Variants in OGFOD3 observed in about 807,000 individuals in gnomAD.
OGFOD3 encodes the protein 2-oxoglutarate and iron-dependent oxygenase domain-containing protein 3.
OGFOD3 carries 35 observed loss-of-function variants against 39.8 expected under a neutral mutation model. That is an observed-to-expected ratio of 0.88 (90% confidence interval 0.67 to 1.17). The LOEUF is 1.17. Among genes scored for constraint, OGFOD3 ranks in the 50% most tolerant of loss-of-function variants. The pLI is 0.00. For missense variants in OGFOD3, 438 were observed against 454.5 expected, an observed-to-expected ratio of 0.96 and a Z score of 0.33; for synonymous variants, 200 against 192.0, an observed-to-expected ratio of 1.04 and a Z score of -0.34.
chr17:82,400,975 G>C (rs956337303), intron 7 of OGFOD3: 1 of 152,122 alleles, frequency 6.6e-6, no homozygotes, highest in Non-Finnish European at 1.5e-5. Flanking sequence ...CTGTGCCGGC[G>C]GAAGGCCAGT....
intron 7 of OGFOD3, among the ~76,000 whole-genome samples, chr17:82,403,282 A>T (rs1306631343): frequency 6.6e-6 from 1 of 152,172 alleles, no homozygotes; most frequent in African/African-American, 2.4e-5. Flanking sequence ...TTATTTCTCC[A>T]ACTCCATCAG....
intron 7 of OGFOD3, among the ~76,000 whole-genome samples, chr17:82,401,817 A>AAC (rs1311726771): frequency 1.3e-5 from 2 of 149,894 alleles, no homozygotes; most frequent in African/African-American, 2.5e-5. Context: ...AAAAAAAAAA[A>AAC]AAAAAACAAA....
In OGFOD3 at chr17:82,394,055, T is replaced by C. The variant is rs546672053; in HGVS notation, c.824-1521A>G. On this transcript the variant is annotated intron_variant, in intron 8 of 8. Transcript: ENST00000313056. ...CCCAGGCTGGACTGCAGCGGCATGA[T>C]CTTGGCTCACTGCAAGCTCTGCCTC... is the stretch of plus-strand genomic sequence containing the variant. The C allele has an allele frequency of 3.4e-5, 6 of 177,362 alleles. No individual in the cohort carries two copies. In the East Asian group the frequency reaches 9.3e-4, roughly 27 times the overall value. The allele number at this position is 177,362 out of a possible 1,614,324, so 11.0% of individuals were successfully genotyped here.
chr17:82,403,956 C>G lies in OGFOD3; in HGVS notation c.680G>C (p.Trp227Ser), dbSNP rs758498267. The change falls in exon 7 of 9, where the codon TGG (tryptophan) becomes TCG (serine). Residue 227 changes from tryptophan (W) to serine (S), a missense_variant. Physicochemically the swap from Trp to Ser is radical, Grantham distance 177. Transcript: ENST00000313056. ...GCTCACCTTGTCCACGTGCGCATGC[C>G]AGTACTCGTCGTGCGCCGTCCGCGC... ...TEARTAHDEY[W>S]HAHVDKVTYG... 3 of 1,606,624 alleles carry G rather than the reference C, an allele frequency of 1.9e-6. No homozygotes were observed. The Admixed American group carries it at 5.1e-5, about 27-fold the overall frequency.
chr17:82,395,192 C>G (rs1048077289), intron 8 of OGFOD3, among the ~76,000 whole-genome samples: 3 of 152,122 alleles, frequency 2.0e-5, no homozygotes, highest in African/African-American at 7.2e-5. Context: ...CCACCACACC[C>G]GGCTGCTTTT....
intron 3 of OGFOD3, 23 bp downstream of exon 3, chr17:82,411,432 C>T (rs917160623): frequency 1.9e-6 from 3 of 1,609,224 alleles, no homozygotes; most frequent in South Asian, 2.2e-5. Flanking sequence ...TGAATCCCAC[C>T]GTGCTCAGGG....
Position 82,392,287 on chromosome 17 carries a change from A to G in OGFOD3, c.*111T>C, listed in dbSNP as rs2052606306. 30 of 1,194,522 alleles carry G rather than the reference A, an allele frequency of 2.5e-5. No homozygotes were observed. The highest frequency in any genetic ancestry group is 3.4e-5 in the Non-Finnish European group (29 of 861,452). The allele number at this position is 1,194,522 out of a possible 1,614,324, so 74.0% of individuals were successfully genotyped here. ...CACGTCAGCAAATCAAAATCAGAGA[A>G]TTCCTAAGGCACTCTGTGCAACAGG... On this transcript the variant is annotated 3_prime_UTR_variant, in exon 9 of 9. Coordinates refer to ENST00000313056, the MANE Select transcript of OGFOD3 (RefSeq NM_024648.3). This position sits in a 1 kb window ranked among gnomAD's most constrained non-coding sequence, Gnocchi z 4.2.
chr17:82,403,805 A>ACG, intron 7 of OGFOD3, 132 bp downstream of exon 7: 1 of 1,220,660 alleles, frequency 8.2e-7, no homozygotes, highest in Non-Finnish European at 1.1e-6. Context: ...CCACGTACGC[A>ACG]CTCACCCTGC....
Position 82,390,820 on chromosome 17 carries a change from ATG to A in OGFOD3, c.*1576_*1577del, listed in dbSNP as rs2052590022. 9.8e-6 allele frequency: 1 copy of A among 101,934 alleles called. No individual in the cohort carries two copies. Among genetic ancestry groups the A allele is most frequent in the African/African-American group, 4.0e-5 (1 of 25,078 alleles). 6.3% of individuals were successfully genotyped at this position (101,934 alleles called of 1,614,324 possible). ...CGCCCGCTCCTTCCCAGGGGTCACC[ATG>A]CCTCAGCTGGCCTCACGCCCGCTCC... On this transcript the variant is annotated 3_prime_UTR_variant, in exon 9 of 9. Coordinates refer to ENST00000313056, the MANE Select transcript of OGFOD3 (RefSeq NM_024648.3). This position sits in a 1 kb window ranked among gnomAD's most constrained non-coding sequence, Gnocchi z 4.9.
Position 82,404,052 on chromosome 17 carries a change from G to A in OGFOD3, c.584C>T (p.Ala195Val), listed in dbSNP as rs772898247. The part of the protein sequence containing the change: ...RQKVQLTIAE[A>V]FGISASSLHL... ...CAGCGAGGATGCGCTGATGCCAAAA[G>A]CCTCAGCAATGGTGAGCTGGACCTT... Residue 195 changes from alanine to valine, a missense_variant, in exon 7 of 9, where the codon GCT becomes GTT. Coordinates refer to ENST00000313056, the MANE Select transcript of OGFOD3 (RefSeq NM_024648.3). This position sits in a 1 kb window ranked among gnomAD's most constrained non-coding sequence, Gnocchi z 4.5. The A allele has an allele frequency of 1.9e-6, 3 of 1,609,040 alleles. No individual in the cohort carries two copies. The highest frequency in any genetic ancestry group is 2.5e-6 in the Non-Finnish European group (3 of 1,177,734).
chr17:82,411,534 T>C lies in OGFOD3; in HGVS notation c.305-4A>G. The C allele has an allele frequency of 1.2e-6, 2 of 1,613,782 alleles. No individual in the cohort carries two copies. Among genetic ancestry groups the C allele is most frequent in the Non-Finnish European group, 1.7e-6 (2 of 1,179,732 alleles). On this transcript the variant is annotated splice_polypyrimidine_tract_variant and splice_region_variant and intron_variant, in intron 2 of 8. Transcript: ENST00000313056. ...CCGCACTTTCGGGGAGTGCAGCCTG[T>C]GAAGGGACAGCCAGGGTGAGACGCA... is the stretch of plus-strand genomic sequence containing the variant.
At chr17:82,408,634 C>T (rs1010667850) in intron 4 of OGFOD3, among the ~76,000 whole-genome samples, 10 of 152,078 alleles carry the variant, frequency 6.6e-5, no homozygotes, top group Non-Finnish European at 1.2e-4. Flanking sequence ...AGGTCCTGCC[C>T]GCCTCTTCCA....
chr17:82,394,468 G>A (rs987101768), intron 8 of OGFOD3: 18 of 1,613,940 alleles, frequency 1.1e-5, no homozygotes, highest in Non-Finnish European at 1.4e-5. Flanking sequence ...TCCAGCCTTC[G>A]CACCAGCAGC....
chr17:82,414,613 G>C lies in OGFOD3; in HGVS notation c.304+785C>G, dbSNP rs569803930. 2.0e-5 allele frequency among the ~76,000 whole-genome samples: 3 copies of C among 152,296 alleles called. 1 individual carries two copies. Among genetic ancestry groups the C allele is most frequent in the Admixed American group, 2.0e-4 (3 of 15,298 alleles). ...GAAACACGTTCATTTTCTTGACTCC[G>C]AGGCGGTCCCGTCCCTCCCTGCGGC... is the stretch of plus-strand genomic sequence containing the variant. On this transcript the variant is annotated intron_variant, in intron 2 of 8. Coordinates refer to ENST00000313056, the MANE Select transcript of OGFOD3 (RefSeq NM_024648.3).
At chr17:82,409,552 C>A (rs947075408) in intron 3 of OGFOD3, 142 bp from the exon 4 acceptor site, 22 of 745,290 alleles carry the variant, frequency 3.0e-5, no homozygotes, top group African/African-American at 2.6e-4. Context: ...ATGTTTAGAC[C>A]AAAGGACTCA....
chr17:82,415,523 A>G lies in OGFOD3; in HGVS notation c.179T>C (p.Leu60Pro). Residue 60 changes from leucine (L) to proline (P), a missense_variant, in exon 2 of 9, where the codon CTC becomes CCC. Transcript: ENST00000313056. This position sits in a 1 kb window ranked among gnomAD's most constrained non-coding sequence, Gnocchi z 5.3. ...GTCGTCGGCCCCCAAGCTGCTCCAG[A>G]GCAGGAGTGCGGTGAGCACAAAGCC... Reference protein sequence around the residue: ...GAGFVLTALLLWSSLGADDGV... With the variant: ...GAGFVLTALLPWSSLGADDGV... The G allele has an allele frequency of 6.2e-7, 1 of 1,613,614 alleles. No individual in the cohort carries two copies. The highest frequency in any genetic ancestry group is 1.6e-4 in the Middle Eastern group (1 of 6,062).
chr17:82,402,609 T>C (rs149097499), intron 7 of OGFOD3, among the ~76,000 whole-genome samples: 18 of 151,944 alleles, frequency 1.2e-4, no homozygotes, highest in South Asian at 6.2e-4. Flanking sequence ...TAGCCGAGCG[T>C]GGTGGCATGT....
intron 3 of OGFOD3, 140 bp from the exon 4 acceptor site, chr17:82,409,550 A>T: frequency 1.3e-6 from 1 of 760,028 alleles, no homozygotes; most frequent in Non-Finnish European, 2.2e-6. Flanking sequence ...AAATGTTTAG[A>T]CCAAAGGACT....
In OGFOD3 at chr17:82,404,883, GGCACCC is replaced by G. The variant is rs963920431; in HGVS notation, c.545+435_545+440del. ...AGCCTCCGGGGTAGCTGGGATTACA[GGCACCC>G]GCCACCGCACCCAACTAATTTTTGT... On this transcript the variant is annotated intron_variant, in intron 6 of 8. Coordinates refer to ENST00000313056, the MANE Select transcript of OGFOD3 (RefSeq NM_024648.3). This position sits in a 1 kb window ranked among gnomAD's most constrained non-coding sequence, Gnocchi z 4.5. Among the ~76,000 whole-genome samples, 82 of 151,942 alleles carry G rather than the reference GGCACCC, an allele frequency of 5.4e-4. 1 individual carries two copies. Among genetic ancestry groups the G allele is most frequent in the Non-Finnish European group, 9.0e-4 (61 of 67,970 alleles).
Sources: gnomAD v4.1 joint callset for allele counts (sites outside exome capture counted in the v4.1 genomes callset) on GRCh38, gnomAD v4.1.1 for gene constraint, Gnocchi (gnomAD v3.1) non-coding constraint, MANE v1.5 for transcripts, NCBI Gene and HGNC (gene_info 2026-07-23, HGNC 2026-07-21) for gene names.